The following ASH2L variants were observed in gnomAD, a reference collection of about 807,000 sequenced individuals.
ASH2L encodes set1/Ash2 histone methyltransferase complex subunit ASH2.
In ASH2L, 30 loss-of-function variants were observed where a neutral mutation model predicts 81.1. The ratio of observed to expected loss-of-function variants is 0.37; its 90% CI spans 0.28 to 0.50. The LOEUF is 0.50. Among genes scored for constraint, ASH2L ranks in the 20% least tolerant of loss-of-function variants. The probability of loss-of-function intolerance (pLI) is 0.95; values close to 1 mark genes in which losing one functional copy is unlikely to be tolerated. For missense variants in ASH2L, 559 were observed against 792.1 expected (o/e 0.71, Z 3.53); for synonymous variants, 273 against 279.9 (o/e 0.98, Z 0.24).
intron 6 of ASH2L, 53 bp from the exon 7 acceptor site, chr8:38,114,852 C>T: frequency 8.4e-7 from 1 of 1,187,328 alleles, no homozygotes; most frequent in South Asian, 1.3e-5. Context: ...TTATTAATTC[C>T]ATACTTTTAA....
intron 5 of ASH2L, among the ~76,000 whole-genome samples, chr8:38,113,484 G>A (rs1160995898): frequency 6.6e-6 from 1 of 152,048 alleles, no homozygotes; most frequent in East Asian, 1.9e-4. Context: ...TCTGGTGGTG[G>A]TGCTTTTGAA....
intron 8 of ASH2L, 136 bp from the exon 9 acceptor site, chr8:38,119,134 C>A: frequency 2.6e-6 from 2 of 755,306 alleles, no homozygotes; most frequent in South Asian, 1.7e-5. Context: ...GGGTGAAATC[C>A]AATATGCCTT....
intron 5 of ASH2L, among the ~76,000 whole-genome samples, chr8:38,112,572 A>T (rs1454475860): frequency 3.9e-5 from 6 of 152,122 alleles, no homozygotes; most frequent in Admixed American, 3.9e-4. Context: ...CATGTGTTAA[A>T]CATCTTTGGC....
At position 38,132,957 on chromosome 8, in the gene ASH2L, G is replaced by T. The variant is rs114183444; in HGVS notation, c.1528-497G>T. Reference sequence around the variant, plus strand: ...ACTAAAAATACAAAAAATTAGCCGGGTGTGGTGTAATCCCAGCTACTCGAG... The same window carrying T: ...ACTAAAAATACAAAAAATTAGCCGGTTGTGGTGTAATCCCAGCTACTCGAG... On this transcript the variant is annotated intron_variant, in intron 12 of 15. Coordinates refer to ENST00000343823, the MANE Select transcript of ASH2L (RefSeq NM_004674.5). 9.2e-5 allele frequency among the ~76,000 whole-genome samples: 14 copies of T among 152,058 alleles called. No homozygotes were observed. The South Asian group carries it at 2.7e-3, about 29-fold the overall frequency.
At chr8:38,106,810 C>G (rs945367051) in intron 2 of ASH2L, among the ~76,000 whole-genome samples, 26 of 151,660 alleles carry the variant, frequency 1.7e-4, no homozygotes, top group African/African-American at 5.1e-4. Context: ...CGCGCCCGGC[C>G]TTGTTTTTAC....
intron 13 of ASH2L, among the ~76,000 whole-genome samples, chr8:38,134,620 G>C (rs1281178856): frequency 6.6e-6 from 1 of 152,254 alleles, no homozygotes; most frequent in East Asian, 1.9e-4. Context: ...AAATAAAAAG[G>C]GAAGTGGGAT....
At chr8:38,112,733 A>G (rs1206099018) in intron 5 of ASH2L, among the ~76,000 whole-genome samples, 3 of 152,228 alleles carry the variant, frequency 2.0e-5, no homozygotes, top group East Asian at 3.8e-4. Flanking sequence ...TCCTTAAGCC[A>G]TACATGGAGA....
chr8:38,113,670 G>A (rs1810778176), intron 5 of ASH2L, among the ~76,000 whole-genome samples: 1 of 152,234 alleles, frequency 6.6e-6, no homozygotes, highest in South Asian at 2.1e-4. Context: ...AATTGTGAGA[G>A]AAGAGTCAAG....
chr8:38,115,591 C>CAGGCATTCA (rs1310360442), intron 7 of ASH2L, among the ~76,000 whole-genome samples: 3 of 152,026 alleles, frequency 2.0e-5, no homozygotes, highest in African/African-American at 7.2e-5. Flanking sequence ...TGCTTGAGTC[C>CAGGCATTCA]AGGCATTCAA....
rs1377481715 is a variant in ASH2L at position 38,139,596 on chromosome 8, T to C, written c.*525T>C. 1 of 152,634 alleles carries C rather than the reference T, an allele frequency of 6.6e-6. No homozygotes were observed. Among genetic ancestry groups the C allele is most frequent in the Non-Finnish European group, 1.5e-5 (1 of 68,082 alleles). 9.5% of individuals were successfully genotyped at this position (152,634 alleles called of 1,614,324 possible). A position where few individuals can be genotyped will look rare whatever the true frequency, so the allele number is the denominator to read the frequency against. ...CATTTTGAAATACACTTTTGAACAC[T>C]GAGATCCGTAAAACTACTAGATCTC... On this transcript the variant is annotated 3_prime_UTR_variant, in exon 16 of 16. Coordinates refer to ENST00000343823, the MANE Select transcript of ASH2L (RefSeq NM_004674.5).
At position 38,138,337 on chromosome 8, in the gene ASH2L, G is replaced by T. The variant is rs184345685; in HGVS notation, c.1720-479G>T. 1.7e-3 allele frequency: 262 copies of T among 155,724 alleles called. 5 individuals are homozygous for T. The highest frequency in any genetic ancestry group is 2.4e-4 in the Non-Finnish European group (17 of 70,296). The allele number at this position is 155,724 out of a possible 1,614,324, so 9.6% of individuals were successfully genotyped here. ...GCGGGCTGGAGGGGAAAGTAGGAGG[G>T]TATGGTCATCCACATGTTGCAAGAG... is the stretch of plus-strand genomic sequence containing the variant. On this transcript the variant is annotated intron_variant, in intron 14 of 15. Coordinates refer to ENST00000343823, the MANE Select transcript of ASH2L (RefSeq NM_004674.5).
chr8:38,123,739 A>G (rs544947816), intron 10 of ASH2L, among the ~76,000 whole-genome samples: 1 of 151,802 alleles, frequency 6.6e-6, no homozygotes, highest in Non-Finnish European at 1.5e-5. Context: ...TCTTTTTTCC[A>G]CCATCTTCCC....
At chr8:38,128,729 A>T (rs766445949) in intron 11 of ASH2L, 29 bp from the exon 12 acceptor site, 19 of 1,589,342 alleles carry the variant, frequency 1.2e-5, no homozygotes, top group Non-Finnish European at 1.6e-5. Flanking sequence ...CAATCTTCTG[A>T]CTTCCTGTGT....
At chr8:38,108,962 G>A (rs1331057438) in intron 3 of ASH2L, among the ~76,000 whole-genome samples, 1 of 152,136 alleles carries the variant, frequency 6.6e-6, no homozygotes, top group East Asian at 1.9e-4. Context: ...CACATCTGTA[G>A]TACCAGCTAC....
chr8:38,116,776 A>G (rs1447992329), intron 8 of ASH2L, 51 bp downstream of exon 8: 1 of 1,490,738 alleles, frequency 6.7e-7, no homozygotes, highest in African/African-American at 1.4e-5. Context: ...TATTGAATCC[A>G]GTTGTGCCTA....
intron 10 of ASH2L, among the ~76,000 whole-genome samples, chr8:38,123,061 C>T (rs1801696109): frequency 6.9e-6 from 1 of 145,846 alleles, no homozygotes; most frequent in Admixed American, 6.9e-5. Context: ...TTAATATGCA[C>T]ATAAAGTAGT....
chr8:38,116,554 TTTAG>T lies in ASH2L; in HGVS notation c.778-93_778-90del, dbSNP rs368530145. 4.1e-6 allele frequency: 4 copies of T among 974,770 alleles called. No individual in the cohort carries two copies. In the African/African-American group the frequency reaches 4.9e-5, roughly 12 times the overall value. 60.4% of individuals were successfully genotyped at this position (974,770 alleles called of 1,614,324 possible). On this transcript the variant is annotated intron_variant, in intron 7 of 15. Coordinates refer to ENST00000343823, the MANE Select transcript of ASH2L (RefSeq NM_004674.5). Reference sequence around the variant, plus strand: ...TCTCAGAAAAAAAAGAATTGTCAATTTTAGTTCCCATTCTGTTAGAATTTCTCTT... The same window carrying T: ...TCTCAGAAAAAAAAGAATTGTCAATTTTCCCATTCTGTTAGAATTTCTCTT...
intron 7 of ASH2L, among the ~76,000 whole-genome samples, chr8:38,115,628 C>G (rs1338348369): frequency 6.6e-6 from 1 of 151,766 alleles, no homozygotes; most frequent in Non-Finnish European, 1.5e-5. Context: ...ACAACAAGAC[C>G]TGTCTCTCAA....
At chr8:38,122,358 T>C (rs1801662007) in intron 10 of ASH2L, 1 of 152,314 alleles carries the variant, frequency 6.6e-6, no homozygotes, top group South Asian at 2.1e-4. Context: ...GCATGTTGTT[T>C]AGGAATAACA....
Sources: gnomAD v4.1 joint callset for allele counts (sites outside exome capture counted in the v4.1 genomes callset) on GRCh38, gnomAD v4.1.1 for gene constraint, MANE v1.5 for transcripts, NCBI Gene and HGNC (gene_info 2026-07-23, HGNC 2026-07-21) for gene names.